RAPGEFL1: variants seen among roughly 807,000 people sequenced by gnomAD.
RAPGEFL1 encodes the protein Rap guanine nucleotide exchange factor like 1.
In RAPGEFL1, 31 loss-of-function variants were observed where a neutral mutation model predicts 64.4. That is an observed-to-expected ratio of 0.48 (90% CI 0.36 to 0.65). RAPGEFL1 has a LOEUF of 0.65. RAPGEFL1 is among the 30% of genes least tolerant of loss of function. RAPGEFL1 has a pLI of 0.00. For missense variants in RAPGEFL1, 682 were observed against 677.4 expected (o/e 1.01, Z -0.08); for synonymous variants, 331 against 274.1 (o/e 1.21, Z -2.05).
At chr17:40,193,107 G>GTCAAGAGTCTGTT in intron 13 of RAPGEFL1, 117 bp downstream of exon 13, 3 of 1,065,444 alleles carry the variant, frequency 2.8e-6, no homozygotes, top group Non-Finnish European at 4.3e-6. Flanking sequence ...TTGCCTAACA[G>GTCAAGAGTCTGTT]ACTCTTGACT....
At position 40,193,832 on chromosome 17, in the gene RAPGEFL1, G is replaced by T. The variant is rs866483441; in HGVS notation, c.*44G>T. On this transcript the variant is annotated 3_prime_UTR_variant, in exon 15 of 15. Coordinates refer to ENST00000620260, the MANE Select transcript of RAPGEFL1 (RefSeq NM_016339.6). ...GACCCGCCAGATCCTTGGGCACCTGGCACTCAAGCACTTTGCACGATGTCT... is the reference window on the plus strand; with the variant it reads ...GACCCGCCAGATCCTTGGGCACCTGTCACTCAAGCACTTTGCACGATGTCT... 1.2e-6 allele frequency: 2 copies of T among 1,611,544 alleles called. No individual in the cohort carries two copies. Among genetic ancestry groups the T allele is most frequent in the Middle Eastern group, 3.3e-4 (2 of 6,058 alleles).
chr17:40,184,479 C>A, intron 3 of RAPGEFL1, 102 bp from the exon 4 acceptor site: 1 of 1,119,492 alleles, frequency 8.9e-7, no homozygotes, highest in Non-Finnish European at 1.3e-6. Flanking sequence ...GCTTATATGG[C>A]TCTCCTGTGC....
intron 3 of RAPGEFL1, 53 bp from the exon 4 acceptor site, chr17:40,184,528 T>G: frequency 1.6e-6 from 2 of 1,261,998 alleles, no homozygotes; most frequent in Non-Finnish European, 2.2e-6. Flanking sequence ...CTGCAGAGAG[T>G]AGCCCTTGGA....
upstream of RAPGEFL1, chr17:40,177,370 C>T (rs1163593023): frequency 5.9e-6 from 4 of 679,818 alleles, no homozygotes; most frequent in South Asian, 5.9e-5. Flanking sequence ...AACCCCAGCG[C>T]GCGAGTTCAA....
chr17:40,181,988 C>T (rs1989908725), intron 2 of RAPGEFL1, among the ~76,000 whole-genome samples: 1 of 151,454 alleles, frequency 6.6e-6, no homozygotes, highest in Non-Finnish European at 1.5e-5. Flanking sequence ...GAGGCTGAGG[C>T]AGGAGAATCA....
In RAPGEFL1 at chr17:40,188,814, G is replaced by A. The variant is rs1567695140; in HGVS notation, c.834-52G>A. 2.1e-6 allele frequency: 3 copies of A among 1,436,920 alleles called. No homozygotes were observed. The Admixed American group carries it at 5.0e-5, about 24-fold the overall frequency. 89.0% of individuals were successfully genotyped at this position (1,436,920 alleles called of 1,614,324 possible). A position where few individuals can be genotyped will look rare whatever the true frequency, so the allele number is the denominator to read the frequency against. On this transcript the variant is annotated intron_variant, in intron 4 of 14. Transcript: ENST00000620260. ...GCTTGATGTTGCCTGCTTGGTGTTG[G>A]TTGTCCATATGCCTGGCAGGGCGTG... is the stretch of plus-strand genomic sequence containing the variant.
intron 1 of RAPGEFL1, 198 bp from the exon 2 acceptor site, chr17:40,181,418 A>G (rs1384241986): frequency 1.5e-6 from 1 of 657,212 alleles, no homozygotes. Flanking sequence ...CAGCTGCCGA[A>G]CCCACCCTCG....
Position 40,178,567 on chromosome 17 carries a change from TCCTC to T in RAPGEFL1, c.520+190_520+193del, listed in dbSNP as rs1989798392. ...CGGAAGAGGAGAGCAGTACTCACCT[TCCTC>T]CCTACAGCAGCCTCACCCTCGTCTG... is the stretch of plus-strand genomic sequence containing the variant. On this transcript the variant is annotated intron_variant, in intron 1 of 14. Coordinates refer to ENST00000620260, the MANE Select transcript of RAPGEFL1 (RefSeq NM_016339.6). Among the ~76,000 whole-genome samples, 6 of 152,210 alleles carry T rather than the reference TCCTC, an allele frequency of 3.9e-5. No individual in the cohort carries two copies. The South Asian group carries it at 1.2e-3, about 32-fold the overall frequency.
rs1990299402 is a variant in RAPGEFL1 at position 40,192,233 on chromosome 17, G to T, written c.1626G>T (p.Lys542Asn). 1 of 1,614,088 alleles carries T rather than the reference G, an allele frequency of 6.2e-7. No homozygotes were observed. The highest frequency in any genetic ancestry group is 8.5e-7 in the Non-Finnish European group (1 of 1,179,958). The change falls in exon 11 of 15, where the codon AAG becomes AAT. Residue 542 changes from lysine to asparagine, a missense_variant. Lys to Asn is a moderately conservative substitution (Grantham distance 94). This residue lies in a region of RAPGEFL1 where 411 missense variants were observed against 519.4 expected (regional missense o/e 0.79). Transcript: ENST00000620260. The stretch of plus-strand genomic sequence containing the variant: ...TGCAGAAGCTGCCAGGGAAATTCAA[G>T]AACTTGTTTCGCAAATTTGAGAACC... ...LTWEKLPGKFKNLFRKFENLT... is the reference protein window; with the variant it reads ...LTWEKLPGKFNNLFRKFENLT...
intron 4 of RAPGEFL1, 61 bp from the exon 5 acceptor site, chr17:40,188,805 T>C (rs748964151): frequency 7.6e-7 from 1 of 1,316,718 alleles, no homozygotes; most frequent in Non-Finnish European, 1.1e-6. Context: ...TGTTGCCTGC[T>C]TGGTGTTGGT....
At chr17:40,180,643 C>T (rs929974050) in intron 1 of RAPGEFL1, among the ~76,000 whole-genome samples, 2 of 152,214 alleles carry the variant, frequency 1.3e-5, no homozygotes, top group African/African-American at 4.8e-5. Context: ...GGTTCTTATT[C>T]CAGCTCCAGG....
chr17:40,190,774 G>C lies in RAPGEFL1; in HGVS notation c.1335+12G>C, dbSNP rs1249027245. ...GATGTGTGCATGAGGTGGGGACCGA[G>C]GCTGGTGCTATGCTGGGGGGCTGGA... On this transcript the variant is annotated intron_variant, in intron 8 of 14. Coordinates refer to ENST00000620260, the MANE Select transcript of RAPGEFL1 (RefSeq NM_016339.6). The C allele has an allele frequency of 5.0e-6, 8 of 1,613,872 alleles. No individual in the cohort carries two copies. The highest frequency in any genetic ancestry group is 6.8e-6 in the Non-Finnish European group (8 of 1,179,952).
intron 4 of RAPGEFL1, 137 bp downstream of exon 4, chr17:40,184,815 T>C: frequency 3.2e-6 from 2 of 616,576 alleles, no homozygotes; most frequent in Non-Finnish European, 5.7e-6. Flanking sequence ...AGTCTCACTT[T>C]GTCGCCTAGG....
At chr17:40,185,308 C>T (rs1170955211) in intron 4 of RAPGEFL1, among the ~76,000 whole-genome samples, 1 of 152,090 alleles carries the variant, frequency 6.6e-6, no homozygotes, top group Admixed American at 6.6e-5. Flanking sequence ...AATGTGACAA[C>T]ACTGAAAGAG....
chr17:40,182,037 C>G (rs187880222), intron 2 of RAPGEFL1, among the ~76,000 whole-genome samples: 32 of 151,676 alleles, frequency 2.1e-4, no homozygotes, highest in African/African-American at 7.0e-4. Flanking sequence ...GAGCCGAGAT[C>G]GCGTCACTAC....
chr17:40,182,433 T>G (rs557795665), intron 2 of RAPGEFL1, among the ~76,000 whole-genome samples: 1 of 152,222 alleles, frequency 6.6e-6, no homozygotes, highest in Admixed American at 6.5e-5. Context: ...TGCCTCAGCC[T>G]CCCCCATAGC....
chr17:40,184,163 T>C, intron 2 of RAPGEFL1, 51 bp from the exon 3 acceptor site: 2 of 1,342,118 alleles, frequency 1.5e-6, no homozygotes, highest in Non-Finnish European at 2.1e-6. Flanking sequence ...ATCTTTCTTC[T>C]CAATTCCTCA....
intron 2 of RAPGEFL1, among the ~76,000 whole-genome samples, chr17:40,182,148 A>G (rs1243176025): frequency 6.6e-6 from 1 of 152,052 alleles, no homozygotes; most frequent in Non-Finnish European, 1.5e-5. Context: ...CAGCTGTGTG[A>G]CTTGTACAGA....
Position 40,178,027 on chromosome 17 carries a change from C to T in RAPGEFL1, c.166C>T (p.Arg56Cys), listed in dbSNP as rs1989770125. 1.8e-6 allele frequency: 1 copy of T among 560,096 alleles called. No homozygotes were observed. The highest frequency in any genetic ancestry group is 3.1e-6 in the Non-Finnish European group (1 of 319,932). The allele number at this position is 560,096 out of a possible 1,614,324, so 34.7% of individuals were successfully genotyped here. The change falls in exon 1 of 15, where the codon CGT becomes TGT. Residue 56 changes from arginine (R) to cysteine (C), a missense_variant. By Grantham distance (180) the Arg-to-Cys change is radical. Coordinates refer to ENST00000620260, the MANE Select transcript of RAPGEFL1 (RefSeq NM_016339.6). ...CGGGGGACAGCGGTCGTTGCAGCGG[C>T]GTCAGAGCGTGTCTCGCCTGCTGCT... is the stretch of plus-strand genomic sequence containing the variant. Reference protein sequence around the residue: ...PAGGQRSLQRRQSVSRLLLPA... With the variant: ...PAGGQRSLQRCQSVSRLLLPA...
Sources: allele counts gnomAD v4.1 joint callset (sites outside exome capture counted in the v4.1 genomes callset), GRCh38; gene constraint gnomAD v4.1.1; regional missense constraint gnomAD v4.1.1; transcripts MANE v1.5; gene names NCBI Gene and HGNC (gene_info 2026-07-23, HGNC 2026-07-21).